The following CAST variants were observed in gnomAD, a reference collection of about 807,000 sequenced individuals.
CAST encodes the protein calpastatin.
Under a neutral mutation model 119.6 loss-of-function variants are expected in CAST, and 76 were observed. That is an observed-to-expected ratio of 0.64 (90% CI 0.53 to 0.77). The LOEUF (loss-of-function observed/expected upper bound fraction) is 0.77, where lower values mean the gene tolerates loss of function less well. CAST is among the 30% of genes least tolerant of loss of function. The pLI, the probability that CAST is intolerant of heterozygous loss-of-function variation, is 0.00. For synonymous variants in CAST, 319 were observed against 331.6 expected, an observed-to-expected ratio of 0.96 and a Z score of 0.41; for missense variants, 953 against 946.5, an observed-to-expected ratio of 1.01 and a Z score of -0.09.
intron 24 of CAST, among the ~76,000 whole-genome samples, chr5:96,757,870 T>C (rs1015714969): frequency 1.3e-5 from 2 of 152,006 alleles, no homozygotes; most frequent in African/African-American, 4.8e-5. Flanking sequence ...TTTGTATTTT[T>C]AGTAGAGACG....
At position 96,737,908 on chromosome 5, in the gene CAST, TG is replaced by T; in HGVS notation, c.760del (p.Glu254LysfsTer16). Reference sequence around the variant, plus strand: ...ATACTTTAGGAGGACCTGAAGAAACTGAAGAAGAAAATACAACGTATACTGG... The same window carrying T: ...ATACTTTAGGAGGACCTGAAGAAACTAAGAAGAAAATACAACGTATACTGG... ...IDTLGGPEET[E>X]EENTTYTGPE... On this transcript the variant is annotated frameshift_variant, in exon 11 of 32. Transcript: ENST00000675179. LOFTEE classifies it high-confidence loss of function. 6 of 1,608,514 alleles carry T rather than the reference TG, an allele frequency of 3.7e-6. No individual in the cohort carries two copies. Among genetic ancestry groups the T allele is most frequent in the Non-Finnish European group, 4.3e-6 (5 of 1,175,064 alleles).
the CAST span, among the ~76,000 whole-genome samples, chr5:96,495,050 G>A: frequency 8.6e-5 from 13 of 151,388 alleles, no homozygotes; most frequent in Admixed American, 2.0e-4. Flanking sequence ...CCCGGGAGGC[G>A]GAGGTTGTAC....
chr5:96,238,786 A>G, the CAST span, among the ~76,000 whole-genome samples: 2 of 152,286 alleles, frequency 1.3e-5, no homozygotes, highest in Non-Finnish European at 2.9e-5. Flanking sequence ...GAAGAATATT[A>G]AAGTGTTTCC....
At chr5:96,646,567 A>T (rs1748016352) in intron 1 of CAST, among the ~76,000 whole-genome samples, 1 of 152,200 alleles carries the variant, frequency 6.6e-6, no homozygotes, top group Non-Finnish European at 1.5e-5. Flanking sequence ...TCTTTATATA[A>T]ATTTTCTTCA....
chr5:96,257,083 G>A, the CAST span, among the ~76,000 whole-genome samples: 1 of 152,210 alleles, frequency 6.6e-6, no homozygotes, highest in Non-Finnish European at 1.5e-5. Flanking sequence ...CAGTGCTGCT[G>A]GGAGGAACAC....
At chr5:96,239,411 C>T in the CAST span, among the ~76,000 whole-genome samples, 67 of 152,144 alleles carry the variant, frequency 4.4e-4, no homozygotes, top group Non-Finnish European at 7.5e-4. Context: ...TTTGAGTTCT[C>T]TTTGACCCTA....
intron 3 of CAST, among the ~76,000 whole-genome samples, chr5:96,715,459 CT>C (rs1372679705): frequency 6.6e-6 from 1 of 152,190 alleles, no homozygotes; most frequent in African/African-American, 2.4e-5. Flanking sequence ...ATTGTCATAT[CT>C]GTGTTCAAAT....
chr5:96,695,922 G>A lies in CAST; in HGVS notation c.210+15G>A. 6.3e-7 allele frequency: 1 copy of A among 1,599,716 alleles called. No individual in the cohort carries two copies. Among genetic ancestry groups the A allele is most frequent in the Non-Finnish European group, 8.6e-7 (1 of 1,168,476 alleles). On this transcript the variant is annotated intron_variant, in intron 3 of 31. Coordinates refer to ENST00000675179, the MANE Select transcript of CAST (RefSeq NM_001750.7). Reference sequence around the variant, plus strand: ...CGGCCACCAAGGTCAGTGATTTCCTGAACACGAAAAGACCCCTACTGTATT... The same window carrying A: ...CGGCCACCAAGGTCAGTGATTTCCTAAACACGAAAAGACCCCTACTGTATT...
At chr5:96,044,879 A>G in the CAST span, among the ~76,000 whole-genome samples, 1 of 152,210 alleles carries the variant, frequency 6.6e-6, no homozygotes, top group African/African-American at 2.4e-5. Flanking sequence ...AGTATATAAT[A>G]TATAATTCTA....
At position 96,741,509 on chromosome 5, in the gene CAST, T is replaced by G. The variant is rs1174247874; in HGVS notation, c.1027T>G (p.Leu343Val). The part of the protein sequence containing the change: ...KTEKEESTEV[L>V]KAQSAGTVRS... ...TGTTTTTCAGGAATCTACAGAAGTT[T>G]TAAAAGCTCAGTCAGCAGGGACAGT... The change falls in exon 15 of 32, where the codon TTA becomes GTA. Residue 343 changes from leucine to valine, a missense_variant. By Grantham distance (32) the Leu-to-Val change is conservative. Transcript: ENST00000675179. 1 of 1,613,426 alleles carries G rather than the reference T, an allele frequency of 6.2e-7. No homozygotes were observed. Among genetic ancestry groups the G allele is most frequent in the South Asian group, 1.1e-5 (1 of 91,038 alleles).
chr5:96,287,996 A>G, the CAST span, among the ~76,000 whole-genome samples: 1 of 152,192 alleles, frequency 6.6e-6, no homozygotes, highest in East Asian at 1.9e-4. Flanking sequence ...AAGTGAAGAG[A>G]GTGAAATGAA....
At chr5:96,509,196 G>T in the CAST span, among the ~76,000 whole-genome samples, 1 of 152,102 alleles carries the variant, frequency 6.6e-6, no homozygotes, top group South Asian at 2.1e-4. Flanking sequence ...CAGCAATTAC[G>T]ATCAGCAAAG....
chr5:96,494,454 A>G, the CAST span, among the ~76,000 whole-genome samples: 3 of 152,240 alleles, frequency 2.0e-5, no homozygotes, highest in African/African-American at 7.2e-5. Flanking sequence ...GAGGAACACC[A>G]TTGGCTTTAT....
the CAST span, among the ~76,000 whole-genome samples, chr5:96,412,762 T>TTTTG: frequency 4.8e-5 from 7 of 144,360 alleles, no homozygotes; most frequent in African/African-American, 1.7e-4. Flanking sequence ...GTTTTTTTTT[T>TTTTG]TTTTTTTTTT....
the CAST span, among the ~76,000 whole-genome samples, chr5:96,069,223 ATG>A: frequency 8.6e-5 from 13 of 152,040 alleles, 1 homozygote; most frequent in East Asian, 2.3e-3. Context: ...ATACATATAT[ATG>A]TGTGTATGTA....
At chr5:96,165,346 G>A in the CAST span, among the ~76,000 whole-genome samples, 1 of 152,100 alleles carries the variant, frequency 6.6e-6, no homozygotes, top group Non-Finnish European at 1.5e-5. Context: ...GACTAAGGAT[G>A]GAGTTTAAAC....
At chr5:96,057,429 C>A in the CAST span, among the ~76,000 whole-genome samples, 2 of 152,182 alleles carry the variant, frequency 1.3e-5, no homozygotes, top group Non-Finnish European at 2.9e-5. Context: ...AACCCAGACC[C>A]AATATACTAT....
intron 2 of CAST, among the ~76,000 whole-genome samples, chr5:96,695,139 T>G (rs916679652): frequency 2.0e-5 from 3 of 152,224 alleles, no homozygotes; most frequent in East Asian, 1.9e-4. Flanking sequence ...AATTTATTCC[T>G]TCTGTTCCTC....
At chr5:96,183,493 G>T in the CAST span, among the ~76,000 whole-genome samples, 1 of 152,034 alleles carries the variant, frequency 6.6e-6, no homozygotes, top group Non-Finnish European at 1.5e-5. Context: ...AAGCTATTTG[G>T]AATTTTTTTC....
Sources: gnomAD v4.1 joint callset for allele counts (sites outside exome capture counted in the v4.1 genomes callset) on GRCh38, gnomAD v4.1.1 for gene constraint, MANE v1.5 for transcripts, NCBI Gene and HGNC (gene_info 2026-07-23, HGNC 2026-07-21) for gene names.